Variants in CMSS1 observed in about 807,000 individuals in gnomAD.
CMSS1 encodes cms1 ribosomal small subunit homolog.
Under a neutral mutation model 43.5 loss-of-function variants are expected in CMSS1, and 33 were observed. The ratio of observed to expected loss-of-function variants is 0.76; its 90% CI spans 0.57 to 1.01. The LOEUF (loss-of-function observed/expected upper bound fraction) is 1.01, where lower values mean the gene tolerates loss of function less well. Among genes scored for constraint, CMSS1 ranks in the 50% least tolerant of loss-of-function variants. The probability of loss-of-function intolerance (pLI) is 0.00; values close to 1 mark genes in which losing one functional copy is unlikely to be tolerated. For missense variants in CMSS1, 313 were observed against 326.4 expected (o/e 0.96, Z 0.32); for synonymous variants, 115 against 117.2 (o/e 0.98, Z 0.12).
chr3:99,868,917 G>A (rs1944647776), intron 1 of CMSS1, among the ~76,000 whole-genome samples: 1 of 151,976 alleles, frequency 6.6e-6, no homozygotes, highest in Admixed American at 6.6e-5. Flanking sequence ...ATTTGTTTTA[G>A]TATATTACTT....
chr3:100,061,806 A>C (rs1251311883), intron 1 of CMSS1, among the ~76,000 whole-genome samples: 1 of 152,248 alleles, frequency 6.6e-6, no homozygotes, highest in African/African-American at 2.4e-5. Flanking sequence ...AGGAAATATC[A>C]GAGGCAAGAT....
chr3:100,082,275 C>T (rs2065944572), intron 1 of CMSS1, among the ~76,000 whole-genome samples: 1 of 152,110 alleles, frequency 6.6e-6, no homozygotes, highest in Non-Finnish European at 1.5e-5. Context: ...CTAAGCTGCA[C>T]ATGTAAAAAG....
chr3:99,819,874 C>T (rs903402331), intron 1 of CMSS1, among the ~76,000 whole-genome samples: 6 of 151,912 alleles, frequency 3.9e-5, no homozygotes, highest in Non-Finnish European at 7.4e-5. Context: ...CCTGCCTCAG[C>T]CTCCCAAGTA....
intron 1 of CMSS1, among the ~76,000 whole-genome samples, chr3:100,116,714 C>T (rs1007336175): frequency 6.6e-6 from 1 of 152,168 alleles, no homozygotes; most frequent in African/African-American, 2.4e-5. Context: ...ACACCATAGA[C>T]ATAATCTGGC....
At chr3:100,171,126 TA>T (rs1280802868) in intron 6 of CMSS1, among the ~76,000 whole-genome samples, 2 of 152,152 alleles carry the variant, frequency 1.3e-5, no homozygotes, top group Non-Finnish European at 2.9e-5. Flanking sequence ...TCATTTACAA[TA>T]ACCCCCTGCC....
chr3:99,941,929 A>G (rs945048533), intron 1 of CMSS1, among the ~76,000 whole-genome samples: 1 of 152,232 alleles, frequency 6.6e-6, no homozygotes, highest in Non-Finnish European at 1.5e-5. Flanking sequence ...TTGATTATCC[A>G]TGAGGTGGGA....
At chr3:100,069,976 T>C (rs887067517) in intron 1 of CMSS1, among the ~76,000 whole-genome samples, 6 of 152,364 alleles carry the variant, frequency 3.9e-5, no homozygotes, top group Admixed American at 3.9e-4. Flanking sequence ...TTTTCTCCTT[T>C]TTTTTCCTTT....
intron 2 of CMSS1, among the ~76,000 whole-genome samples, chr3:100,158,402 G>A (rs769904654): frequency 6.6e-6 from 1 of 152,182 alleles, no homozygotes; most frequent in Non-Finnish European, 1.5e-5. Flanking sequence ...AATGCTTAGT[G>A]GCTTGGCCGG....
chr3:100,014,895 C>CTTTTTTTTTTTTTTTTTTTTTTTTTT (rs1233573719), intron 1 of CMSS1, among the ~76,000 whole-genome samples: 35 of 25,008 alleles, frequency 1.4e-3, no homozygotes, highest in African/African-American at 1.8e-3. Context: ...TTCTTTCTTT[C>CTTTTTTTTTTTTTTTTTTTTTTTTTT]TTTTTTTTTT....
intron 1 of CMSS1, among the ~76,000 whole-genome samples, chr3:99,952,519 G>A (rs557407193): frequency 1.2e-3 from 186 of 152,178 alleles, no homozygotes; most frequent in Non-Finnish European, 2.1e-3. Context: ...TAGTCATTGT[G>A]GAATAGAAGC....
At chr3:100,115,680 A>C (rs536068579) in intron 1 of CMSS1, among the ~76,000 whole-genome samples, 1 of 143,594 alleles carries the variant, frequency 7.0e-6, no homozygotes, top group South Asian at 2.2e-4. Context: ...TGGTGTGTGT[A>C]TATTTTTTTC....
Position 100,176,399 on chromosome 3 carries a change from T to C in CMSS1, c.740T>C (p.Met247Thr). The C allele has an allele frequency of 6.2e-7, 1 of 1,612,460 alleles. No homozygotes were observed. The highest frequency in any genetic ancestry group is 1.3e-5 in the African/African-American group (1 of 75,004). Residue 247 changes from methionine (M) to threonine (T), a missense_variant, in exon 9 of 10, where the codon ATG (methionine) becomes ACG (threonine). Transcript: ENST00000421999. ...TGGAGAGATCAGAAGTTGAGGAGAA[T>C]GATGGACATTCCCGAGGTACCACGT... ...WNWRDQKLRR[M>T]MDIPEIRKEV...
intron 1 of CMSS1, chr3:99,848,696 T>G (rs565509089): frequency 6.2e-7 from 1 of 1,614,112 alleles, no homozygotes; most frequent in Non-Finnish European, 8.5e-7. Context: ...CTTTCTGGAG[T>G]TAGAGAACCA....
intron 1 of CMSS1, among the ~76,000 whole-genome samples, chr3:99,857,216 T>C (rs1040607767): frequency 2.6e-5 from 4 of 152,256 alleles, no homozygotes; most frequent in Non-Finnish European, 5.9e-5. Flanking sequence ...TGTACATGTT[T>C]TTAGGCATTT....
intron 1 of CMSS1, among the ~76,000 whole-genome samples, chr3:99,997,121 C>T (rs1218995663): frequency 6.6e-6 from 1 of 151,928 alleles, no homozygotes; most frequent in African/African-American, 2.4e-5. Flanking sequence ...AAGATCAGAG[C>T]AGAACTAAAT....
intron 1 of CMSS1, among the ~76,000 whole-genome samples, chr3:100,136,446 A>G (rs2066753850): frequency 6.6e-6 from 1 of 152,210 alleles, no homozygotes; most frequent in African/African-American, 2.4e-5. Context: ...AGCTCCTCCA[A>G]GCAGCCCCCT....
chr3:100,065,394 G>A (rs577438715), intron 1 of CMSS1, among the ~76,000 whole-genome samples: 1 of 152,108 alleles, frequency 6.6e-6, no homozygotes, highest in Non-Finnish European at 1.5e-5. Flanking sequence ...AGAGTCAGAG[G>A]AATAAAGTAA....
chr3:99,870,819 C>A (rs1944751683), intron 1 of CMSS1, among the ~76,000 whole-genome samples: 1 of 152,212 alleles, frequency 6.6e-6, no homozygotes, highest in African/African-American at 2.4e-5. Context: ...AGGCAGTCTG[C>A]TGCATGGCAA....
intron 1 of CMSS1, among the ~76,000 whole-genome samples, chr3:99,931,296 G>C (rs1164029457): frequency 1.3e-5 from 2 of 152,136 alleles, no homozygotes; most frequent in Non-Finnish European, 2.9e-5. Context: ...GGCTGTGTTT[G>C]AACTTCATCC....
Sources: allele counts gnomAD v4.1 joint callset (sites outside exome capture counted in the v4.1 genomes callset), GRCh38; gene constraint gnomAD v4.1.1; transcripts MANE v1.5; gene names NCBI Gene and HGNC (gene_info 2026-07-23, HGNC 2026-07-21).